Variants in TMEM62 observed in about 807,000 individuals in gnomAD.
TMEM62 encodes the protein transmembrane protein 62.
In TMEM62, 41 loss-of-function variants were observed where a neutral mutation model predicts 70.4. The ratio of observed to expected loss-of-function variants is 0.58; its 90% CI spans 0.45 to 0.76. The LOEUF (loss-of-function observed/expected upper bound fraction) is 0.76, where lower values mean the gene tolerates loss of function less well. Ranked by LOEUF, TMEM62 falls within the 30% of genes least tolerant of loss-of-function variation. TMEM62 has a pLI of 0.00. For synonymous variants in TMEM62, 268 were observed against 291.0 expected, an observed-to-expected ratio of 0.92 and a Z score of 0.80; for missense variants, 688 against 788.5, an observed-to-expected ratio of 0.87 and a Z score of 1.53.
At chr15:43,142,063 T>C (rs1393054265) in intron 4 of TMEM62, among the ~76,000 whole-genome samples, 11 of 152,208 alleles carry the variant, frequency 7.2e-5, no homozygotes, top group Admixed American at 7.2e-4. Flanking sequence ...GGATTTAGAA[T>C]TATACATAAA....
intron 9 of TMEM62, chr15:43,160,361 G>T: frequency 5.4e-6 from 1 of 184,080 alleles, no homozygotes; most frequent in Non-Finnish European, 1.1e-5. Context: ...GACCAGCTTG[G>T]GCAACATAGC....
At chr15:43,168,336 T>G (rs1475143756) in intron 10 of TMEM62, among the ~76,000 whole-genome samples, 1 of 152,140 alleles carries the variant, frequency 6.6e-6, no homozygotes, top group African/African-American at 2.4e-5. Flanking sequence ...ACACCTGAAT[T>G]CACCATAGTA....
chr15:43,146,448 T>C lies in TMEM62; in HGVS notation c.477-45T>C, dbSNP rs182505945. On this transcript the variant is annotated intron_variant, in intron 4 of 13. Transcript: ENST00000260403. ...GTATTAGGGAAGGAATTTTAAAGCA[T>C]TGTCTTTTTATTACACTAACACCCT... is the stretch of plus-strand genomic sequence containing the variant. 1.3e-4 allele frequency: 194 copies of C among 1,549,786 alleles called. No homozygotes were observed. The African/African-American group carries it at 2.1e-3, about 17-fold the overall frequency.
intron 2 of TMEM62, among the ~76,000 whole-genome samples, chr15:43,134,839 G>A (rs1462213273): frequency 1.3e-5 from 2 of 152,136 alleles, no homozygotes; most frequent in African/African-American, 4.8e-5. Flanking sequence ...ATAGTTTTAT[G>A]ACTTAAGTTT....
intron 11 of TMEM62, among the ~76,000 whole-genome samples, chr15:43,176,865 G>C (rs1393326134): frequency 6.6e-6 from 1 of 152,064 alleles, no homozygotes; most frequent in African/African-American, 2.4e-5. Context: ...GAGAGAAGAA[G>C]GCTTCAGACG....
Position 43,133,870 on chromosome 15 carries a change from T to C in TMEM62, c.68T>C (p.Leu23Ser), listed in dbSNP as rs1422182264. Reference protein sequence around the residue: ...LAAAALVAMLLEHYGLAGQPS... With the variant: ...LAAAALVAMLSEHYGLAGQPS... ...GCCGCAGCGCTGGTGGCCATGCTCTTGGAGCACTACGGCCTGGCGGGCCAG... is the reference window on the plus strand; with the variant it reads ...GCCGCAGCGCTGGTGGCCATGCTCTCGGAGCACTACGGCCTGGCGGGCCAG... Residue 23 changes from leucine to serine, a missense_variant, in exon 1 of 14, where the codon TTG becomes TCG. Transcript: ENST00000260403. 6.7e-7 allele frequency: 1 copy of C among 1,497,340 alleles called. No homozygotes were observed. The highest frequency in any genetic ancestry group is 2.2e-5 in the Admixed American group (1 of 46,096). The allele number at this position is 1,497,340 out of a possible 1,614,324, so 92.8% of individuals were successfully genotyped here.
intron 9 of TMEM62, among the ~76,000 whole-genome samples, chr15:43,157,968 T>C (rs1408854859): frequency 1.3e-5 from 2 of 152,212 alleles, no homozygotes; most frequent in Non-Finnish European, 2.9e-5. Context: ...TCTTTTACTG[T>C]ACAGATTGCA....
At chr15:43,183,485 C>T (rs2041574870) in intron 13 of TMEM62, among the ~76,000 whole-genome samples, 1 of 152,212 alleles carries the variant, frequency 6.6e-6, no homozygotes, top group African/African-American at 2.4e-5. Context: ...AGACCTCTCC[C>T]ACCTCTGGGC....
intron 9 of TMEM62, among the ~76,000 whole-genome samples, 186 bp downstream of exon 9, chr15:43,155,017 T>C (rs997180047): frequency 2.0e-5 from 3 of 152,006 alleles, no homozygotes; most frequent in African/African-American, 2.4e-5. Flanking sequence ...CACCTAAGCA[T>C]AGGAGTTCGA....
chr15:43,150,763 C>T (rs1440867189), intron 7 of TMEM62, among the ~76,000 whole-genome samples: 4 of 152,202 alleles, frequency 2.6e-5, no homozygotes, highest in Non-Finnish European at 5.9e-5. Context: ...CTCACACCCA[C>T]TCTTAAGTAC....
intron 5 of TMEM62, among the ~76,000 whole-genome samples, chr15:43,147,815 T>G (rs112825959): frequency 6.6e-6 from 1 of 152,242 alleles, no homozygotes; most frequent in Non-Finnish European, 1.5e-5. Flanking sequence ...GAAAACCAAC[T>G]GGAGTGTTAC....
chr15:43,176,018 A>G (rs1466819619), intron 11 of TMEM62, among the ~76,000 whole-genome samples: 2 of 152,240 alleles, frequency 1.3e-5, no homozygotes, highest in Non-Finnish European at 2.9e-5. Flanking sequence ...AAAACAGCGC[A>G]CCAGCAGATT....
intron 10 of TMEM62, among the ~76,000 whole-genome samples, chr15:43,168,142 A>G (rs1014699751): frequency 4.0e-4 from 41 of 102,484 alleles, no homozygotes; most frequent in African/African-American, 1.5e-3. Context: ...GACCGTGGGG[A>G]GAGAGAGGGA....
chr15:43,167,792 T>A (rs889899718), intron 10 of TMEM62, among the ~76,000 whole-genome samples: 1 of 152,214 alleles, frequency 6.6e-6, no homozygotes, highest in South Asian at 2.1e-4. Context: ...GTCGAGGTTG[T>A]AGCGAGCCGA....
chr15:43,139,988 C>A (rs2035765112), intron 4 of TMEM62, among the ~76,000 whole-genome samples: 1 of 152,156 alleles, frequency 6.6e-6, no homozygotes, highest in Non-Finnish European at 1.5e-5. Context: ...GAAGAAGATG[C>A]CATCTAGGAC....
chr15:43,181,188 GT>G lies in TMEM62; in HGVS notation c.1500del (p.Phe500LeufsTer28). Reference sequence around the variant, plus strand: ...GTCCATTGCCTCTTTTAGGTCCATGGTTTTTTGGTGAAATCATTGATGGCAA... The same window carrying G: ...GTCCATTGCCTCTTTTAGGTCCATGGTTTTTGGTGAAATCATTGATGGCAA... ...LTLYTVLGPW[F>X]FGEIIDGKFG... On this transcript the variant is annotated frameshift_variant, in exon 13 of 14. Transcript: ENST00000260403. LOFTEE classifies it high-confidence loss of function. 1 of 1,612,006 alleles carries G rather than the reference GT, an allele frequency of 6.2e-7. No individual in the cohort carries two copies. Among genetic ancestry groups the G allele is most frequent in the Non-Finnish European group, 8.5e-7 (1 of 1,178,316 alleles).
chr15:43,173,318 T>A (rs931555951), intron 11 of TMEM62, among the ~76,000 whole-genome samples: 18 of 152,256 alleles, frequency 1.2e-4, no homozygotes, highest in Non-Finnish European at 1.8e-4. Flanking sequence ...GCTGCTCTTA[T>A]ATCCAGTCTC....
intron 12 of TMEM62, 138 bp from the exon 13 acceptor site, chr15:43,181,043 G>A: frequency 1.5e-6 from 1 of 675,402 alleles, no homozygotes; most frequent in Admixed American, 2.3e-5. Context: ...CTAGCAAAGA[G>A]GGAAGGCTAT....
chr15:43,139,039 A>C (rs1225642762), intron 4 of TMEM62, among the ~76,000 whole-genome samples: 1 of 152,020 alleles, frequency 6.6e-6, no homozygotes, highest in Non-Finnish European at 1.5e-5. Context: ...ATTTTTTCAA[A>C]TTGAGAGTTT....
Sources: gnomAD v4.1 joint callset for allele counts (sites outside exome capture counted in the v4.1 genomes callset) on GRCh38, gnomAD v4.1.1 for gene constraint, MANE v1.5 for transcripts, NCBI Gene and HGNC (gene_info 2026-07-23, HGNC 2026-07-21) for gene names.